The following HECTD2 variants were observed in gnomAD, a reference collection of about 807,000 sequenced individuals.
HECTD2 encodes the protein HECT domain E3 ubiquitin protein ligase 2, also known as probable E3 ubiquitin-protein ligase HECTD2.
Under a neutral mutation model 103.2 loss-of-function variants are expected in HECTD2, and 35 were observed. The observed-to-expected ratio is 0.34, with a 90% CI of 0.26 to 0.45. The LOEUF (loss-of-function observed/expected upper bound fraction) is 0.45. Among genes scored for constraint, HECTD2 ranks in the 20% least tolerant of loss-of-function variants. The probability of loss-of-function intolerance (pLI) is 1.00; values close to 1 mark genes in which losing one functional copy is unlikely to be tolerated. For missense variants in HECTD2, 596 were observed against 937.4 expected (o/e 0.64, Z 4.76); for synonymous variants, 281 against 329.9 (o/e 0.85, Z 1.61).
At chr10:91,452,232 CTGAAAATTTTCTACATT>C (rs1224020982) in intron 2 of HECTD2, among the ~76,000 whole-genome samples, 1 of 152,054 alleles carries the variant, frequency 6.6e-6, no homozygotes, top group African/African-American at 2.4e-5. Context: ...CAAGTTATGA[CTGAAAATTTTCTACATT>C]TGGTGAAAGA....
In HECTD2 at chr10:91,457,535, C is replaced by A. The variant is rs1484904227; in HGVS notation, c.269-2892C>A. Among the ~76,000 whole-genome samples, 4 of 151,918 alleles carry A rather than the reference C, an allele frequency of 2.6e-5. No homozygotes were observed. The East Asian group carries it at 7.7e-4, about 29-fold the overall frequency. On this transcript the variant is annotated intron_variant, in intron 2 of 20. Transcript: ENST00000298068. ...AAAAATATCAATTAATGTAATCCAC[C>A]ATACTAACATGCTAAGAATGATTCC...
chr10:91,492,671 T>C (rs567584474), intron 13 of HECTD2, among the ~76,000 whole-genome samples, 187 bp downstream of exon 13: 1 of 152,286 alleles, frequency 6.6e-6, no homozygotes, highest in South Asian at 2.1e-4. Context: ...GATCAGTTGA[T>C]TCTCTTACTG....
intron 1 of HECTD2, among the ~76,000 whole-genome samples, chr10:91,419,910 G>A (rs1013605477): frequency 6.6e-6 from 1 of 152,068 alleles, no homozygotes; most frequent in Non-Finnish European, 1.5e-5. Flanking sequence ...TAATAGCTGT[G>A]GTCCAAATTT....
intron 13 of HECTD2, among the ~76,000 whole-genome samples, 167 bp from the exon 14 acceptor site, chr10:91,493,253 T>C (rs891241796): frequency 2.6e-5 from 4 of 151,742 alleles, no homozygotes; most frequent in African/African-American, 9.7e-5. Flanking sequence ...TTTGCAAATA[T>C]ATAGTCCCAT....
intron 4 of HECTD2, among the ~76,000 whole-genome samples, chr10:91,461,597 A>G (rs1845353033): frequency 6.6e-6 from 1 of 152,000 alleles, no homozygotes; most frequent in Admixed American, 6.6e-5. Flanking sequence ...TGCCCAGGCT[A>G]GAATGCAGTG....
At chr10:91,476,219 G>A (rs1367730987) in intron 5 of HECTD2, among the ~76,000 whole-genome samples, 1 of 152,214 alleles carries the variant, frequency 6.6e-6, no homozygotes, top group African/African-American at 2.4e-5. Context: ...GGGATGGGAT[G>A]TAGGACTCAA....
rs1846519761 is a variant in HECTD2, at chr10:91,492,553, A to T, written c.1432+69A>T. 3.5e-6 allele frequency: 4 copies of T among 1,153,630 alleles called. No homozygotes were observed. In the South Asian group the frequency reaches 4.0e-5, roughly 12 times the overall value. 71.5% of individuals were successfully genotyped at this position (1,153,630 alleles called of 1,614,324 possible). The stretch of plus-strand genomic sequence containing the variant: ...TTGTTAGAGTGAAGTAGTCACCCTT[A>T]TTTTTAACCTATTCTGTGATTTTAC... On this transcript the variant is annotated intron_variant, in intron 13 of 20. Coordinates refer to ENST00000298068, the MANE Select transcript of HECTD2 (RefSeq NM_182765.6).
At chr10:91,419,796 A>G (rs1589457503) in intron 1 of HECTD2, among the ~76,000 whole-genome samples, 1 of 152,198 alleles carries the variant, frequency 6.6e-6, no homozygotes, top group South Asian at 2.1e-4. Flanking sequence ...TCCCACTACT[A>G]TTCCTCAACA....
At chr10:91,425,666 C>G (rs1843530174) in intron 2 of HECTD2, among the ~76,000 whole-genome samples, 1 of 150,380 alleles carries the variant, frequency 6.6e-6, no homozygotes, top group African/African-American at 2.4e-5. Flanking sequence ...AAATAATATA[C>G]ATATATATTT....
intron 18 of HECTD2, among the ~76,000 whole-genome samples, chr10:91,500,156 T>C (rs981074698): frequency 2.6e-5 from 4 of 152,102 alleles, no homozygotes; most frequent in Non-Finnish European, 5.9e-5. Context: ...GGAGGTGTTA[T>C]GGGATATTGG....
intron 18 of HECTD2, among the ~76,000 whole-genome samples, chr10:91,499,488 A>G (rs1846808517): frequency 6.6e-6 from 1 of 152,168 alleles, no homozygotes; most frequent in African/African-American, 2.4e-5. Flanking sequence ...GCTCCAGGGT[A>G]AAAGTTACAA....
intron 1 of HECTD2, among the ~76,000 whole-genome samples, chr10:91,414,191 A>G (rs149633817): frequency 3.9e-5 from 6 of 152,306 alleles, no homozygotes; most frequent in African/African-American, 1.4e-4. Context: ...GTACCAGTAC[A>G]TTGGGTTCAA....
chr10:91,439,482 G>A (rs1161573225), intron 2 of HECTD2, among the ~76,000 whole-genome samples: 3 of 152,096 alleles, frequency 2.0e-5, no homozygotes, highest in Non-Finnish European at 4.4e-5. Flanking sequence ...TTTGGTTACT[G>A]TAGCCTTGTA....
chr10:91,438,798 T>G (rs1176254663), intron 2 of HECTD2, among the ~76,000 whole-genome samples: 1 of 152,234 alleles, frequency 6.6e-6, no homozygotes, highest in Admixed American at 6.5e-5. Flanking sequence ...TATCTCATTG[T>G]GGTTTTGATT....
rs758615227 is a variant in HECTD2, at chr10:91,410,488, C to T, written c.50C>T (p.Ala17Val). ...VPSPATPLVV[A>V]APAPEERKGK... ...TCGCCCGCCACTCCGCTGGTGGTGG[C>T]GGCGCCCGCGCCTGAGGAGAGGAAA... is the stretch of plus-strand genomic sequence containing the variant. Residue 17 changes from alanine to valine, a missense_variant, in exon 1 of 21, where the codon GCG (alanine) becomes GTG (valine). Ala to Val is a moderately conservative substitution (Grantham distance 64, BLOSUM62 0). Coordinates refer to ENST00000298068, the MANE Select transcript of HECTD2 (RefSeq NM_182765.6). The T allele has an allele frequency of 2.7e-5, 40 of 1,467,254 alleles. No homozygotes were observed. The highest frequency in any genetic ancestry group is 3.5e-5 in the Non-Finnish European group (39 of 1,113,390). 90.9% of individuals were successfully genotyped at this position (1,467,254 alleles called of 1,614,324 possible). A position where few individuals can be genotyped will look rare whatever the true frequency, so the allele number is the denominator to read the frequency against.
chr10:91,501,127 A>T, intron 19 of HECTD2, 64 bp from the exon 20 acceptor site: 1 of 1,385,088 alleles, frequency 7.2e-7, no homozygotes, highest in Non-Finnish European at 1.0e-6. Context: ...AGCTTCCTTT[A>T]TATTACTTTA....
intron 2 of HECTD2, among the ~76,000 whole-genome samples, chr10:91,450,485 A>G (rs1383761701): frequency 1.3e-5 from 2 of 152,200 alleles, no homozygotes; most frequent in African/African-American, 4.8e-5. Flanking sequence ...CACGGCTAAA[A>G]CACCAAAAAC....
In HECTD2 at chr10:91,410,536, A is replaced by T. The variant is rs1842874574; in HGVS notation, c.98A>T (p.Lys33Met). The change falls in exon 1 of 21, where the codon AAG becomes ATG. Residue 33 changes from lysine to methionine, a missense_variant. Around this residue, in one of 4 missense-constraint regions of HECTD2, gnomAD observed 220 missense variants for 233.9 expected, o/e 0.94. Transcript: ENST00000298068. Reference protein sequence around the residue: ...ERKGKESEREKLPPIVSAGAG... With the variant: ...ERKGKESEREMLPPIVSAGAG... Reference sequence around the variant, plus strand: ...AAAGGGAAGGAGTCAGAGCGCGAGAAGCTGCCGCCCATCGTATCGGCGGGC... The same window carrying T: ...AAAGGGAAGGAGTCAGAGCGCGAGATGCTGCCGCCCATCGTATCGGCGGGC... 4 of 1,467,652 alleles carry T rather than the reference A, an allele frequency of 2.7e-6. No homozygotes were observed. In the East Asian group the frequency reaches 8.7e-5, roughly 32 times the overall value. The allele number at this position is 1,467,652 out of a possible 1,614,324, so 90.9% of individuals were successfully genotyped here.
intron 20 of HECTD2, among the ~76,000 whole-genome samples, chr10:91,503,148 C>G (rs2133358880): frequency 6.6e-6 from 1 of 152,240 alleles, no homozygotes; most frequent in South Asian, 2.1e-4. Context: ...AGCCAATAAG[C>G]ATATGAAAAA....
Sources: allele counts gnomAD v4.1 joint callset (sites outside exome capture counted in the v4.1 genomes callset), GRCh38; gene constraint gnomAD v4.1.1; regional missense constraint gnomAD v4.1.1; transcripts MANE v1.5; gene names NCBI Gene and HGNC (gene_info 2026-07-23, HGNC 2026-07-21).